The following ST6GALNAC3 variants were observed in gnomAD, a reference collection of about 807,000 sequenced individuals.
The protein encoded by ST6GALNAC3 is ST6 N-acetylgalactosaminide alpha-2,6-sialyltransferase 3.
Under a neutral mutation model 32.7 loss-of-function variants are expected in ST6GALNAC3, and 25 were observed. The observed-to-expected ratio is 0.76, with a 90% CI of 0.56 to 1.07. ST6GALNAC3 has a LOEUF of 1.07. Ranked by LOEUF, ST6GALNAC3 falls within the 50% of genes least tolerant of loss-of-function variation. ST6GALNAC3 has a pLI of 0.00. For missense variants in ST6GALNAC3, 355 were observed against 382.4 expected (o/e 0.93, Z 0.60); for synonymous variants, 129 against 133.1 (o/e 0.97, Z 0.21).
chr1:76,189,224 A>G (rs955456437), intron 1 of ST6GALNAC3, among the ~76,000 whole-genome samples: 1 of 152,182 alleles, frequency 6.6e-6, no homozygotes, highest in Non-Finnish European at 1.5e-5. Flanking sequence ...GCTGGGAGAA[A>G]ATGCTTTGTG....
At chr1:76,199,777 AG>A (rs1403212757) in intron 1 of ST6GALNAC3, among the ~76,000 whole-genome samples, 1 of 152,252 alleles carries the variant, frequency 6.6e-6, no homozygotes, top group African/African-American at 2.4e-5. Flanking sequence ...AATTAAAATA[AG>A]ATGCTTTATA....
intron 3 of ST6GALNAC3, among the ~76,000 whole-genome samples, chr1:76,483,554 C>G (rs1288964091): frequency 6.6e-6 from 1 of 152,076 alleles, no homozygotes; most frequent in Non-Finnish European, 1.5e-5. Flanking sequence ...TATCCTTTGC[C>G]CACTTTTTGA....
At chr1:76,510,926 T>C (rs1169091100) in intron 3 of ST6GALNAC3, among the ~76,000 whole-genome samples, 1 of 152,216 alleles carries the variant, frequency 6.6e-6, no homozygotes, top group Non-Finnish European at 1.5e-5. Context: ...TGAATGCATG[T>C]TGCTTTTGCA....
At chr1:76,299,725 A>G (rs1660617710) in intron 1 of ST6GALNAC3, among the ~76,000 whole-genome samples, 1 of 152,108 alleles carries the variant, frequency 6.6e-6, no homozygotes, top group Non-Finnish European at 1.5e-5. Context: ...CCTGGGGACT[A>G]ACTTCATATA....
At chr1:76,314,795 T>G (rs982207198) in intron 2 of ST6GALNAC3, among the ~76,000 whole-genome samples, 1 of 152,186 alleles carries the variant, frequency 6.6e-6, no homozygotes, top group African/African-American at 2.4e-5. Flanking sequence ...TGTTTGAAAT[T>G]GTTGGTAACA....
chr1:76,233,368 T>G lies in ST6GALNAC3; in HGVS notation c.19-80437T>G, dbSNP rs796697085. ...TATAAAAAACTTTACAAGTTTCAGT[T>G]GAGAATAATCTAACATGCTTCGACC... On this transcript the variant is annotated intron_variant, in intron 1 of 4. Transcript: ENST00000328299. Among the ~76,000 whole-genome samples, 8 of 152,258 alleles carry G rather than the reference T, an allele frequency of 5.3e-5. 1 individual carries two copies. Among genetic ancestry groups the G allele is most frequent in the African/African-American group, 1.9e-4 (8 of 41,542 alleles).
intron 3 of ST6GALNAC3, among the ~76,000 whole-genome samples, chr1:76,484,839 TATG>T (rs1659992026): frequency 1.3e-5 from 2 of 152,204 alleles, no homozygotes; most frequent in South Asian, 4.1e-4. Context: ...GCCCATTCAG[TATG>T]ATATTGGCTG....
intron 3 of ST6GALNAC3, among the ~76,000 whole-genome samples, chr1:76,545,193 G>T (rs182055678): frequency 1.1e-4 from 16 of 152,226 alleles, no homozygotes; most frequent in African/African-American, 3.6e-4. Flanking sequence ...ATCAATTTAG[G>T]ACGGACTAAA....
intron 3 of ST6GALNAC3, among the ~76,000 whole-genome samples, chr1:76,438,548 T>C (rs1313026525): frequency 6.6e-6 from 1 of 152,252 alleles, no homozygotes; most frequent in South Asian, 2.1e-4. Flanking sequence ...TTATATAAGG[T>C]AGGATAAAAT....
At chr1:76,539,350 T>C (rs1663838807) in intron 3 of ST6GALNAC3, among the ~76,000 whole-genome samples, 2 of 152,208 alleles carry the variant, frequency 1.3e-5, no homozygotes, top group Admixed American at 1.3e-4. Context: ...CGTTACACTT[T>C]ATTCAAAAAT....
chr1:76,574,029 T>C (rs938359311), intron 3 of ST6GALNAC3, among the ~76,000 whole-genome samples: 1 of 152,116 alleles, frequency 6.6e-6, no homozygotes, highest in Non-Finnish European at 1.5e-5. Flanking sequence ...ACTATTTAGA[T>C]AGTAGAAACA....
Position 76,622,766 on chromosome 1 carries a change from A to G in ST6GALNAC3, c.624-4686A>G, listed in dbSNP as rs578032596. On this transcript the variant is annotated intron_variant, in intron 3 of 4. Transcript: ENST00000328299. ...GAACCCAACTCATTGAGCTATTGGT[A>G]TTCAATAATTAGCAGAGCATCCTGT... Among the ~76,000 whole-genome samples, 45 of 152,134 alleles carry G rather than the reference A, an allele frequency of 3.0e-4. 1 individual carries two copies. The Middle Eastern group carries it at 0.02, about 69-fold the overall frequency.
At chr1:76,432,747 A>G (rs1171121634) in intron 3 of ST6GALNAC3, among the ~76,000 whole-genome samples, 1 of 151,976 alleles carries the variant, frequency 6.6e-6, no homozygotes, top group Non-Finnish European at 1.5e-5. Context: ...GTAAGCCACC[A>G]TGCCCAGCCT....
At chr1:76,079,957 C>T (rs572380137) in intron 1 of ST6GALNAC3, among the ~76,000 whole-genome samples, 11 of 152,316 alleles carry the variant, frequency 7.2e-5, no homozygotes, top group South Asian at 4.1e-4. Flanking sequence ...TGTCAATAAA[C>T]TGCTTTCATG....
intron 1 of ST6GALNAC3, among the ~76,000 whole-genome samples, chr1:76,270,391 C>T (rs992117655): frequency 2.0e-5 from 3 of 151,532 alleles, no homozygotes; most frequent in Non-Finnish European, 4.4e-5. Flanking sequence ...CCTGTAATCC[C>T]AGCTACTCAG....
chr1:76,229,999 A>T (rs888765913), intron 1 of ST6GALNAC3, among the ~76,000 whole-genome samples: 8 of 152,194 alleles, frequency 5.3e-5, no homozygotes, highest in African/African-American at 1.9e-4. Context: ...AAGATTTGGA[A>T]ATAGGAGATC....
intron 3 of ST6GALNAC3, among the ~76,000 whole-genome samples, chr1:76,572,009 T>C (rs1043100973): frequency 1.3e-5 from 2 of 152,118 alleles, no homozygotes. Flanking sequence ...CTTTCTCTGA[T>C]GTTAGGCATT....
Position 76,630,096 on chromosome 1 carries a change from G to A in ST6GALNAC3, c.*1290G>A, listed in dbSNP as rs1649214994. On this transcript the variant is annotated 3_prime_UTR_variant, in exon 5 of 5. Transcript: ENST00000328299. ...CATTGGGCTATTGTCTGTGTATTCT[G>A]CTCTCTTTAGCAGATGATCTGTAAT... 2 of 984,988 alleles carry A rather than the reference G, an allele frequency of 2.0e-6. No individual in the cohort carries two copies. The highest frequency in any genetic ancestry group is 3.5e-5 in the African/African-American group (2 of 57,174). The allele number at this position is 984,988 out of a possible 1,614,324, so 61.0% of individuals were successfully genotyped here. A position where few individuals can be genotyped will look rare whatever the true frequency, so the allele number is the denominator to read the frequency against.
intron 3 of ST6GALNAC3, among the ~76,000 whole-genome samples, chr1:76,462,154 T>C (rs1658320919): frequency 6.6e-6 from 1 of 152,116 alleles, no homozygotes; most frequent in African/African-American, 2.4e-5. Flanking sequence ...GCAATGATGC[T>C]GTGTTGTTTA....
Sources: allele counts gnomAD v4.1 joint callset (sites outside exome capture counted in the v4.1 genomes callset), GRCh38; gene constraint gnomAD v4.1.1; transcripts MANE v1.5; gene names NCBI Gene and HGNC (gene_info 2026-07-23, HGNC 2026-07-21).